LMLN: variants seen among roughly 807,000 people sequenced by gnomAD.
LMLN encodes the protein leishmanolysin-like peptidase.
A neutral mutation model predicts 92.3 loss-of-function variants in LMLN; 70 were observed. That is an observed-to-expected ratio of 0.76 (90% CI 0.63 to 0.92). The LOEUF (loss-of-function observed/expected upper bound fraction) is 0.92. Ranked by LOEUF, LMLN falls within the 40% of genes least tolerant of loss-of-function variation. The pLI, the probability that LMLN is intolerant of heterozygous loss-of-function variation, is 0.00. For synonymous variants in LMLN, 308 were observed against 296.2 expected (o/e 1.04, Z -0.41); for missense variants, 691 against 814.6 (o/e 0.85, Z 1.85).
chr3:197,969,919 G>A (rs183302284), intron 1 of LMLN, among the ~76,000 whole-genome samples: 229 of 152,174 alleles, frequency 1.5e-3, no homozygotes, highest in African/African-American at 4.5e-3. Context: ...CGAGGCTGGC[G>A]GATCACCTGA....
At position 197,975,041 on chromosome 3, in the gene LMLN, G is replaced by C; in HGVS notation, c.318-1G>C. The C allele has an allele frequency of 1.4e-6, 2 of 1,478,434 alleles. No homozygotes were observed. Among genetic ancestry groups the C allele is most frequent in the Non-Finnish European group, 1.9e-6 (2 of 1,062,436 alleles). The allele number at this position is 1,478,434 out of a possible 1,614,324, so 91.6% of individuals were successfully genotyped here. On this transcript the variant is annotated splice_acceptor_variant, in intron 2 of 15. Transcript: ENST00000330198. LOFTEE classifies it high-confidence loss of function. ...TTATGTTTTTATGTCATTATTTTCA[G>C]GTTGCTCCCTGAGAAAAAGAATCTT...
At chr3:198,021,030 A>T (rs1722767429) in intron 12 of LMLN, among the ~76,000 whole-genome samples, 2 of 152,034 alleles carry the variant, frequency 1.3e-5, no homozygotes, top group Non-Finnish European at 2.9e-5. Context: ...CTCAGATTTT[A>T]ATTTTTTCAA....
chr3:197,967,962 TCACAC>T (rs1163356462), intron 1 of LMLN, among the ~76,000 whole-genome samples: 1 of 152,222 alleles, frequency 6.6e-6, no homozygotes, highest in East Asian at 1.9e-4. Context: ...CCTTAGGCAG[TCACAC>T]CTTATGGTTG....
At chr3:197,961,856 T>TAA (rs1385897703) in intron 1 of LMLN, among the ~76,000 whole-genome samples, 2 of 152,192 alleles carry the variant, frequency 1.3e-5, no homozygotes, top group Non-Finnish European at 2.9e-5. Context: ...TACCTTTTAT[T>TAA]ACGCCGGTAC....
At chr3:198,008,744 G>C (rs995411204) in intron 11 of LMLN, among the ~76,000 whole-genome samples, 26 of 152,234 alleles carry the variant, frequency 1.7e-4, no homozygotes, top group Admixed American at 2.0e-4. Flanking sequence ...ATACTCTGAA[G>C]AATAAATCCC....
At chr3:197,974,314 T>G in intron 1 of LMLN, 63 bp from the exon 2 acceptor site, 1 of 812,082 alleles carries the variant, frequency 1.2e-6, no homozygotes, top group Admixed American at 2.7e-5. Flanking sequence ...TAATTTTAAG[T>G]TTGGATTGCA....
At chr3:197,989,708 G>A (rs555227145) in intron 8 of LMLN, among the ~76,000 whole-genome samples, 2 of 152,080 alleles carry the variant, frequency 1.3e-5, no homozygotes, top group African/African-American at 2.4e-5. Context: ...TCATAGGGTT[G>A]TTGAAAAGAT....
intron 1 of LMLN, among the ~76,000 whole-genome samples, chr3:197,964,398 T>C (rs994728393): frequency 6.6e-6 from 1 of 151,274 alleles, no homozygotes; most frequent in East Asian, 1.9e-4. Flanking sequence ...TTTTGTTTTT[T>C]GTTTTTTGTT....
intron 11 of LMLN, 83 bp downstream of exon 11, chr3:197,999,425 A>G (rs1475508236): frequency 3.1e-6 from 3 of 982,180 alleles, no homozygotes; most frequent in Non-Finnish European, 4.8e-6. Flanking sequence ...AAATGCTGAC[A>G]TTTTATGCTG....
At chr3:197,960,267 G>A in exon 1 of LMLN, 10 of 1,613,470 alleles carry the variant, frequency 6.2e-6, no homozygotes, top group South Asian at 1.1e-5. Flanking sequence ...ATGGGGCGGA[G>A]GAGTGGGTTA....
chr3:198,002,778 T>C (rs991994672), intron 11 of LMLN, among the ~76,000 whole-genome samples: 3 of 152,204 alleles, frequency 2.0e-5, no homozygotes, highest in African/African-American at 7.2e-5. Context: ...AATTTTATAC[T>C]TATGTCAAAG....
Position 198,019,905 on chromosome 3 carries a change from G to T in LMLN, c.1365+520G>T, listed in dbSNP as rs771981453. ...AGACCGAGTCTCACTCTGTCGCCCA[G>T]GCTGGAGTGCAGTGGTGAGATCTCA... On this transcript the variant is annotated intron_variant, in intron 12 of 15. Coordinates refer to ENST00000330198, the Ensembl canonical transcript of LMLN. This position sits in a 1 kb window ranked among gnomAD's most constrained non-coding sequence, Gnocchi z 5.5. Among the ~76,000 whole-genome samples the T allele has an allele frequency of 5.3e-5, 8 of 152,080 alleles. No individual in the cohort carries two copies. The highest frequency in any genetic ancestry group is 1.9e-4 in the African/African-American group (8 of 41,394).
At chr3:198,022,680 C>A (rs1358636987) in intron 13 of LMLN, among the ~76,000 whole-genome samples, 1 of 152,138 alleles carries the variant, frequency 6.6e-6, no homozygotes, top group East Asian at 1.9e-4. Flanking sequence ...CATGGTGAAA[C>A]CCTGTCTGTA....
exon 16 of LMLN, chr3:198,038,864 T>A: frequency 2.1e-6 from 1 of 478,868 alleles, no homozygotes; most frequent in South Asian, 2.7e-5. Flanking sequence ...ACCACCTTCA[T>A]CAGCAACCCA....
intron 11 of LMLN, among the ~76,000 whole-genome samples, chr3:198,017,139 A>G (rs1722661642): frequency 6.6e-6 from 1 of 151,772 alleles, no homozygotes; most frequent in Admixed American, 6.6e-5. Context: ...TCGACAAGGA[A>G]AAAAAAAACA....
chr3:198,040,318 T>C (rs753653624), exon 16 of LMLN: 3 of 152,248 alleles, frequency 2.0e-5, no homozygotes, highest in Non-Finnish European at 4.4e-5. Context: ...CTCCTCCTGT[T>C]ACTACATAGA....
At chr3:197,982,949 C>T (rs999593739) in intron 6 of LMLN, among the ~76,000 whole-genome samples, 12 of 152,274 alleles carry the variant, frequency 7.9e-5, no homozygotes, top group Admixed American at 3.3e-4. Context: ...TGGACACTGT[C>T]GGAGGACAGG....
chr3:197,975,039 C>T lies in LMLN; in HGVS notation c.318-3C>T. On this transcript the variant is annotated splice_polypyrimidine_tract_variant and splice_region_variant and intron_variant, in intron 2 of 15. Transcript: ENST00000330198. ...CCTTATGTTTTTATGTCATTATTTTCAGGTTGCTCCCTGAGAAAAAGAATC... is the reference window on the plus strand; with the variant it reads ...CCTTATGTTTTTATGTCATTATTTTTAGGTTGCTCCCTGAGAAAAAGAATC... 6.8e-7 allele frequency: 1 copy of T among 1,474,336 alleles called. No individual in the cohort carries two copies. Among genetic ancestry groups the T allele is most frequent in the South Asian group, 1.2e-5 (1 of 86,264 alleles). The allele number at this position is 1,474,336 out of a possible 1,614,324, so 91.3% of individuals were successfully genotyped here. A position where few individuals can be genotyped will look rare whatever the true frequency, so the allele number is the denominator to read the frequency against.
At chr3:198,038,446 G>T in intron 15 of LMLN, 121 bp from the exon 17 acceptor site, 1 of 713,050 alleles carries the variant, frequency 1.4e-6, no homozygotes, top group Non-Finnish European at 2.4e-6. Flanking sequence ...TCTTGATTTA[G>T]CTCTCAAGGT....
Sources: allele counts gnomAD v4.1 joint callset (sites outside exome capture counted in the v4.1 genomes callset), GRCh38; gene constraint gnomAD v4.1.1; non-coding constraint Gnocchi (gnomAD v3.1); transcripts MANE v1.5; gene names NCBI Gene and HGNC (gene_info 2026-07-23, HGNC 2026-07-21).